Variants in BMPR1B observed in about 807,000 individuals in gnomAD.
BMPR1B encodes the protein bone morphogenetic protein receptor type 1B, also known as bone morphogenetic protein receptor type-1B.
In BMPR1B, 12 loss-of-function variants were observed where a neutral mutation model predicts 59.1. The observed-to-expected ratio is 0.20, with a 90% CI of 0.13 to 0.33. The LOEUF is 0.33. Ranked by LOEUF, BMPR1B falls within the 10% of genes least tolerant of loss-of-function variation. The probability of loss-of-function intolerance (pLI) is 1.00; values close to 1 mark genes in which losing one functional copy is unlikely to be tolerated. For missense variants in BMPR1B, 550 were observed against 610.9 expected (o/e 0.90, Z 1.05); for synonymous variants, 237 against 207.3 (o/e 1.14, Z -1.23).
intron 2 of BMPR1B, among the ~76,000 whole-genome samples, chr4:94,883,651 A>G (rs1727065366): frequency 1.3e-5 from 2 of 152,022 alleles, no homozygotes; most frequent in South Asian, 4.1e-4. Context: ...TATATTCTGT[A>G]ATACATATTA....
At position 94,954,497 on chromosome 4, in the gene BMPR1B, A is replaced by G. The variant is rs138437592; in HGVS notation, c.-112-41543A>G. On this transcript the variant is annotated intron_variant, in intron 2 of 12. Coordinates refer to ENST00000515059, the MANE Select transcript of BMPR1B (RefSeq NM_001203.3). ...TGCACATGCCAAAGACTCTGTTTAC[A>G]TAGATTTCAGTATGTGGAATGCACA... 1.2e-3 allele frequency among the ~76,000 whole-genome samples: 187 copies of G among 152,336 alleles called. 1 individual carries two copies. The East Asian group carries it at 0.016, about 13-fold the overall frequency.
chr4:94,931,144 A>T (rs1408736494), intron 2 of BMPR1B, among the ~76,000 whole-genome samples: 1 of 152,108 alleles, frequency 6.6e-6, no homozygotes, highest in East Asian at 1.9e-4. Flanking sequence ...ACTTACAGCT[A>T]GCTATAAAAA....
At chr4:94,997,905 C>T (rs1722170361) in intron 3 of BMPR1B, among the ~76,000 whole-genome samples, 1 of 152,064 alleles carries the variant, frequency 6.6e-6, no homozygotes, top group Non-Finnish European at 1.5e-5. Context: ...TTTCTTACCC[C>T]TTTTTATTGG....
At chr4:94,770,661 A>G (rs1722152041) in intron 1 of BMPR1B, among the ~76,000 whole-genome samples, 1 of 152,072 alleles carries the variant, frequency 6.6e-6, no homozygotes, top group Admixed American at 6.6e-5. Context: ...GGCTACTTCC[A>G]GCACCTTCCC....
At chr4:95,015,771 C>T (rs539703595) in intron 3 of BMPR1B, among the ~76,000 whole-genome samples, 102 of 151,894 alleles carry the variant, frequency 6.7e-4, no homozygotes, top group African/African-American at 2.0e-3. Context: ...CGGCTCACTG[C>T]AACCTCTGCC....
intron 1 of BMPR1B, among the ~76,000 whole-genome samples, chr4:94,839,876 C>T (rs1418469870): frequency 6.6e-6 from 1 of 151,310 alleles, no homozygotes; most frequent in African/African-American, 2.4e-5. Context: ...TACATTTTGG[C>T]ATGATTTTGC....
At chr4:94,964,962 A>G (rs1016662275) in intron 2 of BMPR1B, among the ~76,000 whole-genome samples, 2 of 151,858 alleles carry the variant, frequency 1.3e-5, no homozygotes, top group Non-Finnish European at 2.9e-5. Context: ...TCTAATGCTG[A>G]ATTTCTTTCA....
rs200497782 is a variant in BMPR1B at position 94,850,204 on chromosome 4, C to G, written c.-182-25627C>G. Among the ~76,000 whole-genome samples, 7 of 152,052 alleles carry G rather than the reference C, an allele frequency of 4.6e-5. No individual in the cohort carries two copies. In the East Asian group the frequency reaches 1.4e-3, roughly 30 times the overall value. ...TCATGCTTCAGAGCAGGGGCTCTTCCTTTTTTGTGCCATGGATCCCTTTGG... is the reference window on the plus strand; with the variant it reads ...TCATGCTTCAGAGCAGGGGCTCTTCGTTTTTTGTGCCATGGATCCCTTTGG... On this transcript the variant is annotated intron_variant, in intron 1 of 12. Transcript: ENST00000515059.
chr4:95,153,622 G>A (rs1735212351), intron 12 of BMPR1B, among the ~76,000 whole-genome samples: 2 of 152,170 alleles, frequency 1.3e-5, no homozygotes, highest in South Asian at 4.1e-4. Flanking sequence ...GCCGAGGCGG[G>A]TGGATCACTT....
intron 1 of BMPR1B, among the ~76,000 whole-genome samples, chr4:94,834,033 T>C (rs183550416): frequency 6.6e-6 from 1 of 152,276 alleles, no homozygotes; most frequent in African/African-American, 2.4e-5. Context: ...TTTTAAAATA[T>C]GTTTAAATTA....
At chr4:94,879,087 G>T (rs1421535605) in intron 2 of BMPR1B, among the ~76,000 whole-genome samples, 2 of 152,024 alleles carry the variant, frequency 1.3e-5, no homozygotes, top group Non-Finnish European at 2.9e-5. Context: ...TGCCATGTTG[G>T]TGTGCTGCAC....
intron 6 of BMPR1B, among the ~76,000 whole-genome samples, chr4:95,122,365 T>C (rs1307236975): frequency 6.6e-6 from 1 of 150,798 alleles, no homozygotes; most frequent in Non-Finnish European, 1.5e-5. Context: ...GTTGCAATAA[T>C]AAATAATTTC....
At chr4:94,869,769 A>G (rs1726406043) in intron 1 of BMPR1B, among the ~76,000 whole-genome samples, 1 of 152,200 alleles carries the variant, frequency 6.6e-6, no homozygotes, top group Non-Finnish European at 1.5e-5. Flanking sequence ...TTTCTTTTAA[A>G]AATTTAGTTT....
chr4:94,882,533 T>C (rs17500968), intron 2 of BMPR1B, among the ~76,000 whole-genome samples: 3,532 of 152,352 alleles, frequency 0.023, 72 homozygotes, highest in Middle Eastern at 0.078. Context: ...TTTCATCTTA[T>C]CTTGTCAATA....
Position 95,153,839 on chromosome 4 carries a change from TAAAAC to T in BMPR1B, c.1384-705_1384-701del, listed in dbSNP as rs148741401. ...CACTCGACAGACCGAGACCCTGTCT[TAAAAC>T]AAATAAACAAACAACAACAAAAACA... On this transcript the variant is annotated intron_variant, in intron 12 of 12. Transcript: ENST00000515059. 7.1e-3 allele frequency among the ~76,000 whole-genome samples: 1,083 copies of T among 152,264 alleles called. 8 individuals carry two copies. The highest frequency in any genetic ancestry group is 0.024 in the African/African-American group (1,005 of 41,558).
chr4:95,156,738 T>C lies in BMPR1B; in HGVS notation c.*2065T>C, dbSNP rs376211295. ...AATCAGAACGCTGCTTCAATTGATATTAAAAATAACCTCAATAATAATGTA... is the reference window on the plus strand; with the variant it reads ...AATCAGAACGCTGCTTCAATTGATACTAAAAATAACCTCAATAATAATGTA... On this transcript the variant is annotated 3_prime_UTR_variant, in exon 13 of 13. Transcript: ENST00000515059. 1 of 152,168 alleles carries C rather than the reference T, an allele frequency of 6.6e-6. No homozygotes were observed. The highest frequency in any genetic ancestry group is 6.5e-5 in the Admixed American group (1 of 15,286). The allele number at this position is 152,168 out of a possible 1,614,324, so 9.4% of individuals were successfully genotyped here.
At chr4:94,864,609 T>C (rs1412323686) in intron 1 of BMPR1B, among the ~76,000 whole-genome samples, 2 of 152,238 alleles carry the variant, frequency 1.3e-5, no homozygotes, top group East Asian at 3.8e-4. Flanking sequence ...TGTAAGTTGA[T>C]AATTTCTTAG....
At chr4:94,863,753 C>A (rs1228712076) in intron 1 of BMPR1B, among the ~76,000 whole-genome samples, 1 of 152,162 alleles carries the variant, frequency 6.6e-6, no homozygotes, top group Non-Finnish European at 1.5e-5. Flanking sequence ...AAACTTATTT[C>A]AGAAATAGTG....
chr4:94,806,108 G>GTT (rs1723595502), intron 1 of BMPR1B, among the ~76,000 whole-genome samples: 1 of 152,186 alleles, frequency 6.6e-6, no homozygotes, highest in Non-Finnish European at 1.5e-5. Context: ...ACTTGTAAGT[G>GTT]TGGTTCGATT....
Sources: allele counts gnomAD v4.1 joint callset (sites outside exome capture counted in the v4.1 genomes callset), GRCh38; gene constraint gnomAD v4.1.1; transcripts MANE v1.5; gene names NCBI Gene and HGNC (gene_info 2026-07-23, HGNC 2026-07-21).